UHRF2: variants seen among roughly 807,000 people sequenced by gnomAD.
UHRF2 encodes the protein ubiquitin like with PHD and ring finger domains 2.
A neutral mutation model predicts 96.8 loss-of-function variants in UHRF2; 23 were observed. The observed-to-expected ratio is 0.24, with a 90% CI of 0.17 to 0.34. The LOEUF (loss-of-function observed/expected upper bound fraction) is 0.34, where lower values mean the gene tolerates loss of function less well. Ranked by LOEUF, UHRF2 falls within the 10% of genes least tolerant of loss-of-function variation. The pLI is 1.00. For missense variants in UHRF2, 685 were observed against 981.5 expected (o/e 0.70, Z 4.04); for synonymous variants, 385 against 332.6 (o/e 1.16, Z -1.72).
chr9:6,451,459 T>G (rs1821854728), intron 3 of UHRF2, among the ~76,000 whole-genome samples: 1 of 18,850 alleles, frequency 5.3e-5, no homozygotes, highest in African/African-American at 7.1e-5. Context: ...TTACCTAGTT[T>G]TTTTTTGTTT....
chr9:6,428,316 G>T (rs1369583235), intron 2 of UHRF2, among the ~76,000 whole-genome samples: 1 of 151,948 alleles, frequency 6.6e-6, no homozygotes, highest in Non-Finnish European at 1.5e-5. Context: ...AATACTCCCA[G>T]GAACTTACCA....
chr9:6,482,598 C>CT (rs1334743518), intron 8 of UHRF2, among the ~76,000 whole-genome samples: 1,860 of 135,942 alleles, frequency 0.014, 28 homozygotes, highest in African/African-American at 0.032. Context: ...TAAGAGGGGC[C>CT]TTTTTTTTTT....
intron 1 of UHRF2, among the ~76,000 whole-genome samples, chr9:6,419,141 C>T (rs948727473): frequency 2.6e-5 from 4 of 152,168 alleles, no homozygotes; most frequent in Admixed American, 6.5e-5. Context: ...TTCTGAGGTA[C>T]TGGGGGTTAG....
At chr9:6,423,655 A>G (rs905464248) in intron 2 of UHRF2, among the ~76,000 whole-genome samples, 9 of 151,064 alleles carry the variant, frequency 6.0e-5, no homozygotes, top group Non-Finnish European at 1.0e-4. Context: ...TTTTTTAAAG[A>G]AAAGTCTCGG....
At chr9:6,456,363 G>T (rs1268451008) in intron 3 of UHRF2, among the ~76,000 whole-genome samples, 1 of 152,026 alleles carries the variant, frequency 6.6e-6, no homozygotes, top group Non-Finnish European at 1.5e-5. Flanking sequence ...CATATCCTTT[G>T]CCCACTTTTT....
chr9:6,497,004 G>A (rs1453907554), intron 10 of UHRF2, 194 bp from the exon 11 acceptor site: 4 of 532,322 alleles, frequency 7.5e-6, no homozygotes, highest in East Asian at 5.9e-5. Flanking sequence ...TGGCTTGGGG[G>A]TGACATCAGA....
chr9:6,469,408 C>T (rs867656915), intron 4 of UHRF2, among the ~76,000 whole-genome samples: 1 of 151,852 alleles, frequency 6.6e-6, no homozygotes, highest in Non-Finnish European at 1.5e-5. Flanking sequence ...GTCCCAGCTA[C>T]TCGGGAGGCT....
At chr9:6,466,401 A>G (rs114675932) in intron 4 of UHRF2, among the ~76,000 whole-genome samples, 3,443 of 152,128 alleles carry the variant, frequency 0.023, 133 homozygotes, top group African/African-American at 0.079. Context: ...TTAGCTGGGC[A>G]TGCTGGTGCA....
At chr9:6,450,923 T>A (rs1164844062) in intron 3 of UHRF2, among the ~76,000 whole-genome samples, 4 of 152,206 alleles carry the variant, frequency 2.6e-5, no homozygotes, top group African/African-American at 9.7e-5. Flanking sequence ...ATGTGTTTGG[T>A]CATGTTTCTA....
At chr9:6,484,865 C>G (rs1349102419) in intron 8 of UHRF2, among the ~76,000 whole-genome samples, 2 of 133,974 alleles carry the variant, frequency 1.5e-5, no homozygotes, top group Non-Finnish European at 3.0e-5. Flanking sequence ...ACAATCTCGG[C>G]TCACCGCAAC....
At chr9:6,455,062 A>C (rs1344095986) in intron 3 of UHRF2, among the ~76,000 whole-genome samples, 1 of 152,206 alleles carries the variant, frequency 6.6e-6, no homozygotes, top group Non-Finnish European at 1.5e-5. Context: ...GCTTTTTAAG[A>C]GTAAGAACCA....
At chr9:6,444,597 A>C (rs561160580) in intron 3 of UHRF2, among the ~76,000 whole-genome samples, 1 of 152,174 alleles carries the variant, frequency 6.6e-6, no homozygotes, top group East Asian at 1.9e-4. Context: ...GTAGGGCCTA[A>C]GAATCCGCTT....
At chr9:6,505,254 A>G (rs958609629) in intron 15 of UHRF2, among the ~76,000 whole-genome samples, 5 of 152,038 alleles carry the variant, frequency 3.3e-5, no homozygotes, top group African/African-American at 1.2e-4. Flanking sequence ...TGTTTAATGT[A>G]TTTAGTGCTG....
intron 3 of UHRF2, among the ~76,000 whole-genome samples, chr9:6,436,862 G>A (rs967945340): frequency 6.6e-6 from 1 of 152,172 alleles, no homozygotes; most frequent in Non-Finnish European, 1.5e-5. Flanking sequence ...ATAATTTTAC[G>A]TGATGGAATT....
intron 9 of UHRF2, among the ~76,000 whole-genome samples, chr9:6,491,693 A>T (rs1824668559): frequency 2.6e-5 from 4 of 152,110 alleles, no homozygotes; most frequent in Non-Finnish European, 5.9e-5. Flanking sequence ...GCAGCTTGGG[A>T]GAAGAATAGA....
intron 15 of UHRF2, 61 bp downstream of exon 15, chr9:6,504,752 C>T: frequency 1.5e-6 from 2 of 1,326,258 alleles, no homozygotes; most frequent in East Asian, 4.9e-5. Context: ...ATTTCTATAC[C>T]TGTTTTTAGC....
chr9:6,448,945 C>T (rs1821686363), intron 3 of UHRF2, among the ~76,000 whole-genome samples: 1 of 152,178 alleles, frequency 6.6e-6, no homozygotes, highest in Admixed American at 6.5e-5. Flanking sequence ...AATCTTTAAA[C>T]ATCGCAGAAC....
Position 6,465,494 on chromosome 9 carries a change from T to C in UHRF2, c.863+4703T>C, listed in dbSNP as rs1421116260. Reference sequence around the variant, plus strand: ...GGTTTCTGTAATGATCAGAGGACTATTCATGTTTTCTATTTCTTGAACTAA... The same window carrying C: ...GGTTTCTGTAATGATCAGAGGACTACTCATGTTTTCTATTTCTTGAACTAA... On this transcript the variant is annotated intron_variant, in intron 4 of 15. Coordinates refer to ENST00000276893, the MANE Select transcript of UHRF2 (RefSeq NM_152896.3). Among the ~76,000 whole-genome samples, 4 of 152,214 alleles carry C rather than the reference T, an allele frequency of 2.6e-5. No individual in the cohort carries two copies. The East Asian group carries it at 7.7e-4, about 29-fold the overall frequency.
chr9:6,451,563 G>A (rs1418842721), intron 3 of UHRF2, among the ~76,000 whole-genome samples: 3 of 151,160 alleles, frequency 2.0e-5, no homozygotes, highest in Non-Finnish European at 4.4e-5. Context: ...TGCAGGCTCC[G>A]CCCCCCGGGG....
Sources: allele counts gnomAD v4.1 joint callset (sites outside exome capture counted in the v4.1 genomes callset), GRCh38; gene constraint gnomAD v4.1.1; transcripts MANE v1.5; gene names NCBI Gene and HGNC (gene_info 2026-07-23, HGNC 2026-07-21).